TULP4: variants seen among roughly 807,000 people sequenced by gnomAD.
TULP4 encodes TUB like protein 4, also known as tubby-related protein 4.
TULP4 carries 16 observed loss-of-function variants against 129.0 expected under a neutral mutation model. The ratio of observed to expected loss-of-function variants is 0.12; its 90% CI spans 0.08 to 0.19. The LOEUF (loss-of-function observed/expected upper bound fraction) is 0.19, where lower values mean the gene tolerates loss of function less well. Ranked by LOEUF, TULP4 falls within the 10% of genes least tolerant of loss-of-function variation. The probability of loss-of-function intolerance (pLI) is 1.00; values close to 1 mark genes in which losing one functional copy is unlikely to be tolerated. For missense variants in TULP4, 1,842 were observed against 2,059.1 expected, an observed-to-expected ratio of 0.89 and a Z score of 2.04; for synonymous variants, 998 against 854.0, an observed-to-expected ratio of 1.17 and a Z score of -2.94.
rs1267537272 is a variant in TULP4, at chr6:158,413,523, GC to G, written c.381+335del. 6.6e-6 allele frequency among the ~76,000 whole-genome samples: 1 copy of G among 152,112 alleles called. No individual in the cohort carries two copies. The highest frequency in any genetic ancestry group is 1.9e-4 in the East Asian group (1 of 5,194). On this transcript the variant is annotated intron_variant, in intron 2 of 13. Transcript: ENST00000367097. This position sits in a 1 kb window ranked among gnomAD's most constrained non-coding sequence, Gnocchi z 4.9. ...GGGGCCTCTGGCATATCACTGTTTT[GC>G]CCCCTTCGAAAGGTATCTTCCCTGT...
intron 1 of TULP4, among the ~76,000 whole-genome samples, chr6:158,260,204 A>T (rs1778325992): frequency 6.6e-6 from 1 of 152,066 alleles, no homozygotes; most frequent in South Asian, 2.1e-4. Flanking sequence ...GTCAGAAGTG[A>T]CTCTTCACAG....
chr6:158,429,605 A>G, intron 2 of TULP4, 131 bp from the exon 3 acceptor site: 1 of 1,014,830 alleles, frequency 9.9e-7, no homozygotes, highest in South Asian at 1.9e-5. Flanking sequence ...TAGCTTTCAA[A>G]TAACATATGT....
intron 1 of TULP4, among the ~76,000 whole-genome samples, chr6:158,410,103 C>T (rs939580912): frequency 1.3e-5 from 2 of 152,218 alleles, no homozygotes; most frequent in Non-Finnish European, 1.5e-5. Context: ...ATCTGCCCTC[C>T]TCTGCCTCCC....
chr6:158,274,620 CA>C (rs755635604), intron 1 of TULP4, among the ~76,000 whole-genome samples: 10 of 151,924 alleles, frequency 6.6e-5, no homozygotes, highest in East Asian at 3.9e-4. Flanking sequence ...ACTAAAAATA[CA>C]AAAAAATCAG....
chr6:158,256,772 C>T (rs1302922646), intron 1 of TULP4, among the ~76,000 whole-genome samples: 1 of 152,158 alleles, frequency 6.6e-6, no homozygotes, highest in Non-Finnish European at 1.5e-5. Context: ...GTCGTCCCTC[C>T]CTATGTTTAT....
intron 1 of TULP4, among the ~76,000 whole-genome samples, chr6:158,399,070 C>G (rs1178595749): frequency 6.6e-6 from 1 of 152,188 alleles, no homozygotes; most frequent in Non-Finnish European, 1.5e-5. Flanking sequence ...AGATGCTTTT[C>G]TCTGCCTCAG....
rs528233849 is a variant in TULP4 at position 158,354,794 on chromosome 6, G to A, written c.252+40526G>A. Among the ~76,000 whole-genome samples the A allele has an allele frequency of 4.6e-5, 7 of 151,430 alleles. No individual in the cohort carries two copies. In the East Asian group the frequency reaches 5.9e-4, roughly 13 times the overall value. On this transcript the variant is annotated intron_variant, in intron 1 of 13. Coordinates refer to ENST00000367097, the MANE Select transcript of TULP4 (RefSeq NM_020245.5). The stretch of plus-strand genomic sequence containing the variant: ...TCCTGGCTGCTCAGGAAGCTGAGGC[G>A]GGATGATTGCTTGGGCCCAGGAGTT...
intron 1 of TULP4, among the ~76,000 whole-genome samples, chr6:158,398,129 G>A (rs972382822): frequency 8.5e-5 from 13 of 152,150 alleles, no homozygotes; most frequent in Non-Finnish European, 1.6e-4. Context: ...TAAAACAATA[G>A]GTCTGTGCTG....
chr6:158,277,930 A>G (rs1342200661), upstream of TULP4, among the ~76,000 whole-genome samples: 1 of 152,008 alleles, frequency 6.6e-6, no homozygotes, highest in Admixed American at 6.5e-5. Flanking sequence ...TGTTTCCTTC[A>G]CTCAGAGAGC....
intron 13 of TULP4, among the ~76,000 whole-genome samples, chr6:158,505,672 A>G (rs1353073766): frequency 1.3e-5 from 2 of 152,142 alleles, no homozygotes; most frequent in Non-Finnish European, 2.9e-5. Flanking sequence ...GTCTGATGGG[A>G]TGTAGGCACA....
At chr6:158,241,241 GAGACGCTCCTCACTTTCC>G (rs1777900624) in intron 1 of TULP4, among the ~76,000 whole-genome samples, 1 of 126,064 alleles carries the variant, frequency 7.9e-6, no homozygotes, top group African/African-American at 2.6e-5. Context: ...CGGCCGGGCG[GAGACGCTCCTCACTTTCC>G]AGACTGGGCA....
chr6:158,242,623 T>TGAC, intron 1 of TULP4: 1 of 703,980 alleles, frequency 1.4e-6, no homozygotes, highest in Non-Finnish European at 2.7e-6. Context: ...CAAGTATTGA[T>TGAC]GACATTCAAG....
rs545125914 is a variant in TULP4 at position 158,478,652 on chromosome 6, A to G, written c.1027-1099A>G. Among the ~76,000 whole-genome samples, 3 of 152,202 alleles carry G rather than the reference A, an allele frequency of 2.0e-5. No individual in the cohort carries two copies. In the South Asian group the frequency reaches 6.2e-4, roughly 32 times the overall value. On this transcript the variant is annotated intron_variant, in intron 6 of 13. Transcript: ENST00000367097. ...ACTGTGGCCATCACCCCACCCTGCA[A>G]CTGCCTGGCCTCCTGTGGTAGAAAG...
chr6:158,473,889 C>T (rs531188134), intron 6 of TULP4, among the ~76,000 whole-genome samples: 1 of 152,152 alleles, frequency 6.6e-6, no homozygotes, highest in South Asian at 2.1e-4. Flanking sequence ...ATGATCATAG[C>T]TCACTGTAGC....
intron 2 of TULP4, among the ~76,000 whole-genome samples, chr6:158,424,329 A>C (rs527461532): frequency 6.6e-5 from 10 of 152,272 alleles, no homozygotes; most frequent in Middle Eastern, 3.4e-3. Context: ...GGCTCACTGC[A>C]ACCTCCGCCT....
At chr6:158,238,063 G>A in intron 1 of TULP4, 1 of 703,956 alleles carries the variant, frequency 1.4e-6, no homozygotes, top group South Asian at 1.5e-5. Context: ...GACATCAGTG[G>A]TACTATTAAA....
intron 1 of TULP4, among the ~76,000 whole-genome samples, chr6:158,262,460 C>A (rs1261376022): frequency 6.6e-6 from 1 of 152,170 alleles, no homozygotes. Flanking sequence ...ATTCTTCACC[C>A]AGGCCAATGA....
At chr6:158,366,461 G>A (rs1780967128) in intron 1 of TULP4, among the ~76,000 whole-genome samples, 1 of 152,192 alleles carries the variant, frequency 6.6e-6, no homozygotes, top group African/African-American at 2.4e-5. Context: ...CTGCCCCAGG[G>A]ATGGGCTTTA....
At chr6:158,238,421 T>C in intron 1 of TULP4, 1 of 490,404 alleles carries the variant, frequency 2.0e-6, no homozygotes, top group Non-Finnish European at 3.6e-6. Flanking sequence ...AATTGTTTTT[T>C]TTTTTTTTTT....
Sources: allele counts gnomAD v4.1 joint callset (sites outside exome capture counted in the v4.1 genomes callset), GRCh38; gene constraint gnomAD v4.1.1; non-coding constraint Gnocchi (gnomAD v3.1); transcripts MANE v1.5; gene names NCBI Gene and HGNC (gene_info 2026-07-23, HGNC 2026-07-21).